DAB1: variants seen among roughly 807,000 people sequenced by gnomAD.
DAB1 encodes disabled homolog 1.
Under a neutral mutation model 64.6 loss-of-function variants are expected in DAB1, and 15 were observed. The ratio of observed to expected loss-of-function variants is 0.23; its 90% CI spans 0.16 to 0.36. DAB1 has a LOEUF of 0.36. DAB1 is among the 10% of genes least tolerant of loss of function. DAB1 has a pLI of 1.00. For synonymous variants in DAB1, 235 were observed against 251.9 expected, an observed-to-expected ratio of 0.93 and a Z score of 0.64; for missense variants, 596 against 706.7, an observed-to-expected ratio of 0.84 and a Z score of 1.78.
At chr1:58,409,360 CA>C (rs1557751863) in intron 3 of DAB1, among the ~76,000 whole-genome samples, 2 of 152,006 alleles carry the variant, frequency 1.3e-5, no homozygotes, top group South Asian at 4.2e-4. Flanking sequence ...AAAAAATAAA[CA>C]AAAAAAGAAT....
intron 3 of DAB1, among the ~76,000 whole-genome samples, chr1:57,140,444 A>G (rs1230621477): frequency 1.3e-5 from 2 of 152,150 alleles, no homozygotes; most frequent in Non-Finnish European, 2.9e-5. Context: ...TCTGATTCTC[A>G]AGGTAGGAAT....
At chr1:57,854,778 A>G (rs961566677) in intron 1 of DAB1, among the ~76,000 whole-genome samples, 2 of 152,300 alleles carry the variant, frequency 1.3e-5, no homozygotes. Context: ...TGTGGGGAAG[A>G]TTTGGCTAAG....
At chr1:57,907,922 T>TAC (rs372543898) in intron 5 of DAB1, among the ~76,000 whole-genome samples, 27,972 of 145,348 alleles carry the variant, frequency 0.19, 2,884 homozygotes, top group Admixed American at 0.26. Flanking sequence ...AATATATATA[T>TAC]ACACACACAC....
At chr1:58,336,105 T>A (rs2100499919) in intron 4 of DAB1, among the ~76,000 whole-genome samples, 1 of 152,338 alleles carries the variant, frequency 6.6e-6, no homozygotes, top group East Asian at 1.9e-4. Flanking sequence ...TCTTTGTGTT[T>A]TCCACTGTGA....
intron 4 of DAB1, among the ~76,000 whole-genome samples, chr1:58,274,873 G>A (rs939643681): frequency 6.6e-6 from 1 of 151,970 alleles, no homozygotes; most frequent in East Asian, 1.9e-4. Context: ...CTCGCGCACG[G>A]TGCGCGCACC....
At chr1:58,228,950 G>T in intron 4 of DAB1, 1 of 464,386 alleles carries the variant, frequency 2.2e-6, no homozygotes. Flanking sequence ...ATTGACTGAG[G>T]ATGCTGTCCT....
At chr1:58,427,654 C>T (rs182604622) in intron 3 of DAB1, among the ~76,000 whole-genome samples, 2 of 152,152 alleles carry the variant, frequency 1.3e-5, no homozygotes, top group African/African-American at 4.8e-5. Flanking sequence ...GTCCAAGCAA[C>T]TGGAAAGATG....
chr1:57,342,895 G>C (rs1677725627), intron 1 of DAB1, among the ~76,000 whole-genome samples: 1 of 152,204 alleles, frequency 6.6e-6, no homozygotes, highest in Admixed American at 6.5e-5. Context: ...GAGTATTACA[G>C]CTCATAAAGG....
At chr1:57,844,783 C>T (rs1282127981) in intron 1 of DAB1, among the ~76,000 whole-genome samples, 1 of 152,084 alleles carries the variant, frequency 6.6e-6, no homozygotes, top group African/African-American at 2.4e-5. Context: ...TGACTTAGTG[C>T]CCCTTCTTCA....
At chr1:58,070,602 T>C (rs1025397526) in intron 5 of DAB1, among the ~76,000 whole-genome samples, 14 of 152,300 alleles carry the variant, frequency 9.2e-5, no homozygotes, top group Non-Finnish European at 1.8e-4. Context: ...ACTGAGTTCA[T>C]TTGAGAAGGT....
At chr1:57,240,379 C>T (rs1321482552) in intron 2 of DAB1, among the ~76,000 whole-genome samples, 1 of 152,160 alleles carries the variant, frequency 6.6e-6, no homozygotes, top group Non-Finnish European at 1.5e-5. Flanking sequence ...TCTTGCACAC[C>T]TCCACTGATC....
intron 6 of DAB1, among the ~76,000 whole-genome samples, chr1:57,671,465 T>C (rs955942624): frequency 3.3e-5 from 5 of 152,108 alleles, no homozygotes; most frequent in Admixed American, 2.6e-4. Context: ...GTAAGAAATC[T>C]GAAGTCTAAG....
intron 5 of DAB1, chr1:58,055,989 C>T (rs1013644052): frequency 2.6e-5 from 17 of 655,682 alleles, no homozygotes; most frequent in African/African-American, 1.5e-4. Context: ...CCGCCTGCCT[C>T]GGCCTCACAC....
chr1:58,136,890 G>T (rs916108131), intron 5 of DAB1, among the ~76,000 whole-genome samples: 1 of 152,178 alleles, frequency 6.6e-6, no homozygotes, highest in Non-Finnish European at 1.5e-5. Context: ...TTATACTAGA[G>T]CTGTCTAATT....
At chr1:58,211,863 G>A (rs890685569) in intron 4 of DAB1, among the ~76,000 whole-genome samples, 1 of 152,088 alleles carries the variant, frequency 6.6e-6, no homozygotes, top group Non-Finnish European at 1.5e-5. Context: ...ACACATCACT[G>A]CCTGCAACAG....
chr1:57,870,168 A>G (rs751132519), intron 1 of DAB1, among the ~76,000 whole-genome samples: 31 of 152,118 alleles, frequency 2.0e-4, no homozygotes, highest in Admixed American at 4.6e-4. Context: ...TGGCATATGC[A>G]AGGCCAGGTG....
At chr1:57,756,844 AC>A (rs57492918) in intron 6 of DAB1, among the ~76,000 whole-genome samples, 26,683 of 151,932 alleles carry the variant, frequency 0.18, 3,052 homozygotes, top group Admixed American at 0.29. Flanking sequence ...TTTTTAATGT[AC>A]CCCCACTTTC....
chr1:57,026,700 A>C (rs1247114255), intron 9 of DAB1, among the ~76,000 whole-genome samples: 1 of 152,172 alleles, frequency 6.6e-6, no homozygotes, highest in African/African-American at 2.4e-5. Context: ...TAATACCAGG[A>C]AAGGCATCAA....
chr1:57,331,995 G>T (rs969063529), intron 1 of DAB1, among the ~76,000 whole-genome samples: 10 of 152,126 alleles, frequency 6.6e-5, no homozygotes, highest in Admixed American at 5.9e-4. Flanking sequence ...ACGGAGTCTT[G>T]CTCTATTGCC....
Sources: allele counts gnomAD v4.1 joint callset (sites outside exome capture counted in the v4.1 genomes callset), GRCh38; gene constraint gnomAD v4.1.1; transcripts MANE v1.5; gene names NCBI Gene and HGNC (gene_info 2026-07-23, HGNC 2026-07-21).